Variants in ADRB3 observed in about 807,000 individuals in gnomAD.
The protein encoded by ADRB3 is beta-3 adrenergic receptor.
Under a neutral mutation model 23.8 loss-of-function variants are expected in ADRB3, and 33 were observed. The observed-to-expected ratio is 1.38, with a 90% CI of 1.05 to 1.85. The LOEUF is 1.85. Ranked by LOEUF, ADRB3 falls within the 40% of genes most tolerant of loss-of-function variation. ADRB3 has a pLI of 0.00. For missense variants in ADRB3, 600 were observed against 579.6 expected (o/e 1.04, Z -0.36); for synonymous variants, 289 against 273.0 (o/e 1.06, Z -0.58).
At position 37,965,386 on chromosome 8, in the gene ADRB3, G is replaced by C. The variant is rs1253839762; in HGVS notation, c.1084C>G (p.Arg362Gly). Reference sequence around the variant, plus strand: ...TCCGGAGGCAGGCGACGGCCGCAGCGGCACAGAAGACGGCGGAAGGCGCTG... The same window carrying C: ...TCCGGAGGCAGGCGACGGCCGCAGCCGCACAGAAGACGGCGGAAGGCGCTG... ...FRSAFRRLLCRCGRRLPPEPC... is the reference protein window; with the variant it reads ...FRSAFRRLLCGCGRRLPPEPC... Residue 362 changes from arginine (R) to glycine (G), a missense_variant, in exon 1 of 2, where the codon CGC becomes GGC. Coordinates refer to ENST00000345060, the MANE Select transcript of ADRB3 (RefSeq NM_000025.3). 2 of 1,547,576 alleles carry C rather than the reference G, an allele frequency of 1.3e-6. No individual in the cohort carries two copies. Among genetic ancestry groups the C allele is most frequent in the Non-Finnish European group, 1.7e-6 (2 of 1,145,982 alleles).
chr8:37,965,430 CAGT>C lies in ADRB3; in HGVS notation c.1037_1039del (p.Tyr346del). The C allele has an allele frequency of 6.5e-7, 1 of 1,550,206 alleles. No individual in the cohort carries two copies. The highest frequency in any genetic ancestry group is 1.2e-5 in the South Asian group (1 of 83,938). The stretch of plus-strand genomic sequence containing the variant: ...GGCGCTGCGAAAGTCCGGGCTGCGG[CAGT>C]AGATGAGCGGGTTGAAGGCAGAATT... On this transcript the variant is annotated inframe_deletion, in exon 1 of 2. Transcript: ENST00000345060.
intron 1 of ADRB3, 25 bp downstream of exon 1, chr8:37,965,240 C>T (rs1466644191): frequency 2.0e-6 from 3 of 1,486,484 alleles, no homozygotes; most frequent in African/African-American, 1.5e-5. Flanking sequence ...CCTGAGCCGC[C>T]GGTCCCTCTG....
Position 37,966,269 on chromosome 8 carries a change from T to A in ADRB3, c.201A>T (p.Arg67Ser). ...CGAACACGTTGGTCATGGTCTGGAG[T>A]CTCGGAGTCCAGGCGATGGCCACGA... ...LVIVAIAWTP[R>S]LQTMTNVFVT... The change falls in exon 1 of 2, where the codon AGA (arginine) becomes AGT (serine). Residue 67 changes from arginine to serine, a missense_variant. Arg to Ser is a moderately radical substitution (Grantham distance 110, BLOSUM62 -1). Coordinates refer to ENST00000345060, the MANE Select transcript of ADRB3 (RefSeq NM_000025.3). 6.2e-7 allele frequency: 1 copy of A among 1,613,454 alleles called. No homozygotes were observed. The highest frequency in any genetic ancestry group is 8.5e-7 in the Non-Finnish European group (1 of 1,179,744).
At position 37,966,421 on chromosome 8, in the gene ADRB3, G is replaced by T. The variant is rs200142610; in HGVS notation, c.49C>A (p.Leu17Ile). 3 of 1,607,682 alleles carry T rather than the reference G, an allele frequency of 1.9e-6. No homozygotes were observed. Among genetic ancestry groups the T allele is most frequent in the Non-Finnish European group, 2.5e-6 (3 of 1,178,444 alleles). Reference sequence around the variant, plus strand: ...GCGGTATTGGGCGCCAGGGTGGGGAGGTCCGGCCATGGGGCAAGAGAGCTG... The same window carrying T: ...GCGGTATTGGGCGCCAGGGTGGGGATGTCCGGCCATGGGGCAAGAGAGCTG... Reference protein sequence around the residue: ...ENSSLAPWPDLPTLAPNTANT... With the variant: ...ENSSLAPWPDIPTLAPNTANT... The change falls in exon 1 of 2, where the codon CTC (leucine) becomes ATC (isoleucine). Residue 17 changes from leucine (L) to isoleucine (I), a missense_variant. By Grantham distance (5) the Leu-to-Ile change is conservative. Coordinates refer to ENST00000345060, the MANE Select transcript of ADRB3 (RefSeq NM_000025.3).
At chr8:37,965,140 C>T (rs1345468044) in intron 1 of ADRB3, 125 bp downstream of exon 1, 5 of 1,061,254 alleles carry the variant, frequency 4.7e-6, no homozygotes, top group Non-Finnish European at 6.4e-6. Flanking sequence ...TCCTCGTTCC[C>T]TTTTCTCTCC....
In ADRB3 at chr8:37,965,401, G is replaced by A. The variant is rs1380354481; in HGVS notation, c.1069C>T (p.Arg357Cys). ...CRSPDFRSAF[R>C]RLLCRCGRRL... ...CGGCCGCAGCGGCACAGAAGACGGCGGAAGGCGCTGCGAAAGTCCGGGCTG... is the reference window on the plus strand; with the variant it reads ...CGGCCGCAGCGGCACAGAAGACGGCAGAAGGCGCTGCGAAAGTCCGGGCTG... The change falls in exon 1 of 2, where the codon CGC (arginine) becomes TGC (cysteine). Residue 357 changes from arginine (R) to cysteine (C), a missense_variant. By Grantham distance (180) the Arg-to-Cys change is radical. Coordinates refer to ENST00000345060, the MANE Select transcript of ADRB3 (RefSeq NM_000025.3). 6.5e-7 allele frequency: 1 copy of A among 1,548,750 alleles called. No individual in the cohort carries two copies. The highest frequency in any genetic ancestry group is 8.7e-7 in the Non-Finnish European group (1 of 1,146,250).
In ADRB3 at chr8:37,965,320, C is replaced by A. The variant is rs1214465302; in HGVS notation, c.1150G>T (p.Val384Phe). The A allele has an allele frequency of 6.5e-7, 1 of 1,541,952 alleles. No individual in the cohort carries two copies. The change falls in exon 1 of 2, where the codon GTT becomes TTT. Residue 384 changes from valine to phenylalanine, a missense_variant. Val to Phe is a conservative substitution (Grantham distance 50, BLOSUM62 -1). Transcript: ENST00000345060. ...AARPALFPSG[V>F]PAARSSPAQP... ...GCTGGGCTGCTCCGGGCCGCAGGAA[C>A]GCCCGAGGGGAAGAGGGCCGGGCGG...
At chr8:37,965,103 A>T (rs1432082473) in intron 1 of ADRB3, 162 bp downstream of exon 1, 1 of 691,208 alleles carries the variant, frequency 1.4e-6, no homozygotes, top group Non-Finnish European at 2.2e-6. Flanking sequence ...AAAGAAAAGG[A>T]CCCTGGGTCC....
Position 37,965,447 on chromosome 8 carries a change from G to A in ADRB3, c.1023C>T (p.Phe341=), listed in dbSNP as rs1201046158. ...LNWLGYANSA[F]NPLIYCRSPD... ...GGCTGCGGCAGTAGATGAGCGGGTT[G>A]AAGGCAGAATTGGCATAACCTAGCC... Residue 341 remains phenylalanine (F), a synonymous_variant, in exon 1 of 2, where the codon TTC becomes TTT. Coordinates refer to ENST00000345060, the MANE Select transcript of ADRB3 (RefSeq NM_000025.3). 3.9e-6 allele frequency: 6 copies of A among 1,551,304 alleles called. No individual in the cohort carries two copies. In the Admixed American group the frequency reaches 7.8e-5, roughly 20 times the overall value.
Position 37,966,365 on chromosome 8 carries a change from C to T in ADRB3, c.105G>A (p.Trp35Ter), listed in dbSNP as rs765221550. The change falls in exon 1 of 2, where the codon TGG becomes TGA. Residue 35 changes from tryptophan (W) to a stop codon, truncating the protein, a stop_gained. Coordinates refer to ENST00000345060, the MANE Select transcript of ADRB3 (RefSeq NM_000025.3). LOFTEE classifies it high-confidence loss of function. Reference protein sequence around the residue: ...ANTSGLPGVPWEAALAGALLA... With the variant: ...ANTSGLPGVP ...GCAGGGCCCCGGCTAGGGCCGCCTC[C>T]CACGGAACCCCTGGCAGCCCACTGG... 2 of 1,611,328 alleles carry T rather than the reference C, an allele frequency of 1.2e-6. No individual in the cohort carries two copies. The highest frequency in any genetic ancestry group is 1.7e-5 in the Admixed American group (1 of 59,700).
In ADRB3 at chr8:37,966,092, T is replaced by A. The variant is rs201348676; in HGVS notation, c.378A>T (p.Glu126Asp). The A allele has an allele frequency of 1.9e-6, 3 of 1,610,976 alleles. No homozygotes were observed. In the African/African-American group the frequency reaches 4.0e-5, roughly 22 times the overall value. The change falls in exon 1 of 2, where the codon GAA becomes GAT. Residue 126 changes from glutamate to aspartate, a missense_variant. Transcript: ENST00000345060. ...GGTCCACGGCCAGGGCGCACAGGGT[T>A]TCGATGCTGGCGGTCACACACAGCA... ...VDVLCVTASIETLCALAVDRY... is the reference protein window; with the variant it reads ...VDVLCVTASIDTLCALAVDRY...
At position 37,965,340 on chromosome 8, in the gene ADRB3, G is replaced by A. The variant is rs769941412; in HGVS notation, c.1130C>T (p.Pro377Leu). The change falls in exon 1 of 2, where the codon CCG becomes CTG. Residue 377 changes from proline to leucine, a missense_variant. Coordinates refer to ENST00000345060, the MANE Select transcript of ADRB3 (RefSeq NM_000025.3). ...LPPEPCAAAR[P>L]ALFPSGVPAA... Reference sequence around the variant, plus strand: ...AGGAACGCCCGAGGGGAAGAGGGCCGGGCGGGCGGCGGCGCAGGGCTCCGG... The same window carrying A: ...AGGAACGCCCGAGGGGAAGAGGGCCAGGCGGGCGGCGGCGCAGGGCTCCGG... 3 of 1,543,776 alleles carry A rather than the reference G, an allele frequency of 1.9e-6. No individual in the cohort carries two copies. Among genetic ancestry groups the A allele is most frequent in the South Asian group, 1.2e-5 (1 of 83,494 alleles).
Position 37,964,245 on chromosome 8 carries a change from A to G in ADRB3, c.1206-6T>C, listed in dbSNP as rs746194313. 2.5e-5 allele frequency: 40 copies of G among 1,611,676 alleles called. No homozygotes were observed. The highest frequency in any genetic ancestry group is 5.5e-5 in the South Asian group (5 of 90,904). The stretch of plus-strand genomic sequence containing the variant: ...AAGAAACTCCCCAAGAAGCCCTGGG[A>G]AAAAAAGTGGAGATAATAGACCCTG... On this transcript the variant is annotated splice_region_variant and splice_polypyrimidine_tract_variant and intron_variant, in intron 1 of 1. Transcript: ENST00000345060.
At position 37,966,229 on chromosome 8, in the gene ADRB3, C is replaced by T. The variant is rs201912869; in HGVS notation, c.241G>A (p.Ala81Thr). 1.2e-6 allele frequency: 2 copies of T among 1,613,356 alleles called. No homozygotes were observed. The highest frequency in any genetic ancestry group is 2.2e-5 in the East Asian group (1 of 44,852). The change falls in exon 1 of 2, where the codon GCA (alanine) becomes ACA (threonine). Residue 81 changes from alanine (A) to threonine (T), a missense_variant. Physicochemically the swap from Ala to Thr is moderately conservative, Grantham distance 58. Coordinates refer to ENST00000345060, the MANE Select transcript of ADRB3 (RefSeq NM_000025.3). ...MTNVFVTSLA[A>T]ADLVMGLLVV... ...AGGAGTCCCATCACCAGGTCGGCTG[C>T]GGCCAGCGAAGTCACGAACACGTTG...
chr8:37,965,476 T>C lies in ADRB3; in HGVS notation c.994A>G (p.Asn332Asp). 6.4e-7 allele frequency: 1 copy of C among 1,552,128 alleles called. No individual in the cohort carries two copies. The highest frequency in any genetic ancestry group is 1.2e-5 in the South Asian group (1 of 84,092). The change falls in exon 1 of 2, where the codon AAC becomes GAC. Residue 332 changes from asparagine (N) to aspartate (D), a missense_variant. Transcript: ENST00000345060. ...LVPGPAFLAL[N>D]WLGYANSAFN... Reference sequence around the variant, plus strand: ...GCAGAATTGGCATAACCTAGCCAGTTCAGGGCAAGGAAAGCCGGGCCCGGG... The same window carrying C: ...GCAGAATTGGCATAACCTAGCCAGTCCAGGGCAAGGAAAGCCGGGCCCGGG...
Position 37,966,159 on chromosome 8 carries a change from G to C in ADRB3, c.311C>G (p.Pro104Arg). 1 of 1,609,494 alleles carries C rather than the reference G, an allele frequency of 6.2e-7. No individual in the cohort carries two copies. Among genetic ancestry groups the C allele is most frequent in the Middle Eastern group, 1.7e-4 (1 of 6,054 alleles). The change falls in exon 1 of 2, where the codon CCG (proline) becomes CGG (arginine). Residue 104 changes from proline (P) to arginine (R), a missense_variant. By Grantham distance (103) the Pro-to-Arg change is moderately radical (BLOSUM62 -2). Transcript: ENST00000345060. ...AATLALTGHWPLGATGCELWT... is the reference protein window; with the variant it reads ...AATLALTGHWRLGATGCELWT... ...CAGCTCGCAGCCAGTGGCGCCCAAC[G>C]GCCAGTGGCCAGTCAGCGCCAAGGT...
Position 37,965,805 on chromosome 8 carries a change from A to T in ADRB3, c.665T>A (p.Phe222Tyr). 6.4e-7 allele frequency: 1 copy of T among 1,552,376 alleles called. No individual in the cohort carries two copies. Among genetic ancestry groups the T allele is most frequent in the Non-Finnish European group, 8.7e-7 (1 of 1,147,262 alleles). ...SFYLPLLVML[F>Y]VYARVFVVAT... ...CACCACGAAAACCCGCGCGTAGACG[A>T]AGAGCATCACGAGAAGAGGAAGGTA... Residue 222 changes from phenylalanine to tyrosine, a missense_variant, in exon 1 of 2, where the codon TTC becomes TAC. Coordinates refer to ENST00000345060, the MANE Select transcript of ADRB3 (RefSeq NM_000025.3).
intron 1 of ADRB3, among the ~76,000 whole-genome samples, chr8:37,964,620 G>T (rs959971061): frequency 5.3e-5 from 8 of 152,292 alleles, no homozygotes; most frequent in African/African-American, 1.9e-4. Flanking sequence ...GGGGGGCAAA[G>T]AACTGAGCTG....
Position 37,966,124 on chromosome 8 carries a change from C to T in ADRB3, c.346G>A (p.Val116Met). Residue 116 changes from valine to methionine, a missense_variant, in exon 1 of 2, where the codon GTG becomes ATG. Val to Met is a conservative substitution (Grantham distance 21). Transcript: ENST00000345060. ...CTGGCGGTCACACACAGCACGTCCA[C>T]CGAGGTCCACAGCTCGCAGCCAGTG... is the stretch of plus-strand genomic sequence containing the variant. ...GATGCELWTS[V>M]DVLCVTASIE... 3.7e-6 allele frequency: 6 copies of T among 1,611,562 alleles called. No individual in the cohort carries two copies. Among genetic ancestry groups the T allele is most frequent in the Non-Finnish European group, 5.1e-6 (6 of 1,179,138 alleles).
Sources: gnomAD v4.1 joint callset for allele counts (sites outside exome capture counted in the v4.1 genomes callset) on GRCh38, gnomAD v4.1.1 for gene constraint, MANE v1.5 for transcripts, NCBI Gene and HGNC (gene_info 2026-07-23, HGNC 2026-07-21) for gene names.